SMYD3: variants seen among roughly 807,000 people sequenced by gnomAD.
SMYD3 encodes histone-lysine N-methyltransferase SMYD3.
SMYD3 carries 36 observed loss-of-function variants against 57.7 expected under a neutral mutation model. The ratio of observed to expected loss-of-function variants is 0.62; its 90% confidence interval spans 0.48 to 0.82. The LOEUF (loss-of-function observed/expected upper bound fraction) is 0.82, where lower values mean the gene tolerates loss of function less well. Among genes scored for constraint, SMYD3 ranks in the 40% least tolerant of loss-of-function variants. The pLI, the probability that SMYD3 is intolerant of heterozygous loss-of-function variation, is 0.00. For missense variants in SMYD3, 515 were observed against 538.8 expected, an observed-to-expected ratio of 0.96 and a Z score of 0.44; for synonymous variants, 211 against 195.0, an observed-to-expected ratio of 1.08 and a Z score of -0.68.
At position 246,043,504 on chromosome 1, in the gene SMYD3, C is replaced by A. The variant is rs1481415404; in HGVS notation, c.532-113567G>T. Among the ~76,000 whole-genome samples, 5 of 152,180 alleles carry A rather than the reference C, an allele frequency of 3.3e-5. No homozygotes were observed. In the East Asian group the frequency reaches 7.7e-4, roughly 23 times the overall value. ...TTTTAAGATGAGGAATGGCTGGGAA[C>A]ACAGGAAATAACCCAATGGGACATG... On this transcript the variant is annotated intron_variant, in intron 5 of 11. Coordinates refer to ENST00000490107, the MANE Select transcript of SMYD3 (RefSeq NM_001167740.2).
At chr1:245,847,716 T>TTTGCTTA (rs2050735764) in intron 10 of SMYD3, among the ~76,000 whole-genome samples, 1 of 152,140 alleles carries the variant, frequency 6.6e-6, no homozygotes, top group Admixed American at 6.5e-5. Flanking sequence ...CCTAGGAATT[T>TTTGCTTA]GGTATCCTGC....
At chr1:245,759,123 T>C (rs2045729247) in intron 11 of SMYD3, among the ~76,000 whole-genome samples, 1 of 152,194 alleles carries the variant, frequency 6.6e-6, no homozygotes, top group South Asian at 2.1e-4. Context: ...GTGTTTGCAT[T>C]TTATCCATTA....
At chr1:246,438,515 C>G (rs1006953229) in intron 1 of SMYD3, among the ~76,000 whole-genome samples, 3 of 152,082 alleles carry the variant, frequency 2.0e-5, no homozygotes, top group Non-Finnish European at 2.9e-5. Flanking sequence ...GGGATTGATT[C>G]CAGGACACCA....
At chr1:246,220,886 C>T (rs1034056143) in intron 5 of SMYD3, among the ~76,000 whole-genome samples, 1 of 152,158 alleles carries the variant, frequency 6.6e-6, no homozygotes, top group African/African-American at 2.4e-5. Context: ...AGAGGAGCTA[C>T]CCACTCCAGG....
chr1:245,828,751 G>C (rs984087328), intron 10 of SMYD3, among the ~76,000 whole-genome samples: 8 of 150,452 alleles, frequency 5.3e-5, no homozygotes, highest in African/African-American at 2.0e-4. Context: ...GCCCAGGCTG[G>C]AGTGCAGTGG....
chr1:246,307,708 C>A (rs553789798), intron 5 of SMYD3, among the ~76,000 whole-genome samples: 3 of 152,144 alleles, frequency 2.0e-5, no homozygotes, highest in South Asian at 2.1e-4. Context: ...CGTGAGCCAC[C>A]GCGCCCGGCC....
rs116645623 is a variant in SMYD3, at chr1:246,105,457, G to C, written c.532-175520C>G. Among the ~76,000 whole-genome samples, 1,213 of 152,202 alleles carry C rather than the reference G, an allele frequency of 8.0e-3. 13 individuals carry two copies. The highest frequency in any genetic ancestry group is 0.037 in the South Asian group (177 of 4,820). ...TAAATATTATGTGAAAAGGTGCTGTGCCCCCTTGTCTGTGACCCTTCAGCC... is the reference window on the plus strand; with the variant it reads ...TAAATATTATGTGAAAAGGTGCTGTCCCCCCTTGTCTGTGACCCTTCAGCC... On this transcript the variant is annotated intron_variant, in intron 5 of 11. Transcript: ENST00000490107.
chr1:245,914,613 C>T (rs1356834175), intron 8 of SMYD3, among the ~76,000 whole-genome samples: 2 of 152,072 alleles, frequency 1.3e-5, no homozygotes, highest in Admixed American at 1.3e-4. Flanking sequence ...GTACTAGAGG[C>T]TAAGAAGGTG....
intron 5 of SMYD3, among the ~76,000 whole-genome samples, chr1:246,001,995 T>G (rs569193126): frequency 6.6e-6 from 1 of 152,282 alleles, no homozygotes; most frequent in East Asian, 1.9e-4. Context: ...ACAGATACTT[T>G]GTATACTTTC....
chr1:246,251,193 T>G (rs922539343), intron 5 of SMYD3, among the ~76,000 whole-genome samples: 1 of 152,224 alleles, frequency 6.6e-6, no homozygotes, highest in African/African-American at 2.4e-5. Context: ...GCAGGGGTTG[T>G]GTTCCTGGAT....
At chr1:246,507,002 C>CA in intron 1 of SMYD3, 52 bp downstream of exon 1, 1 of 1,120,944 alleles carries the variant, frequency 8.9e-7, no homozygotes, top group Non-Finnish European at 1.2e-6. Flanking sequence ...CCCCCCTCCC[C>CA]AGCACCCCAC....
chr1:245,880,740 G>A (rs2148547201), intron 8 of SMYD3, among the ~76,000 whole-genome samples: 1 of 152,240 alleles, frequency 6.6e-6, no homozygotes, highest in East Asian at 1.9e-4. Flanking sequence ...ACACCACACT[G>A]CCTCAAATAT....
At chr1:246,379,113 C>CATAT (rs1553340124) in intron 1 of SMYD3, among the ~76,000 whole-genome samples, 2 of 139,920 alleles carry the variant, frequency 1.4e-5, no homozygotes, top group East Asian at 2.0e-4. Flanking sequence ...CACACACACA[C>CATAT]ATATATTCCA....
rs1173574600 is a variant in SMYD3 at position 246,348,060 on chromosome 1, T to TCA, written c.228+6970_228+6971insTG. 5.7e-4 allele frequency among the ~76,000 whole-genome samples: 47 copies of TCA among 82,974 alleles called. 2 individuals are homozygous for TCA. Among genetic ancestry groups the TCA allele is most frequent in the South Asian group, 3.5e-3 (10 of 2,870 alleles). The allele number at this position is 82,974 out of a possible 152,430, so 54.4% of individuals were successfully genotyped here. On this transcript the variant is annotated intron_variant, in intron 2 of 11. Transcript: ENST00000490107. ...ATTGGTGGACTGAATAAAGAAAACG[T>TCA]TATATATATATATATATACACACAC...
At chr1:245,769,024 C>A (rs1445424679) in intron 10 of SMYD3, among the ~76,000 whole-genome samples, 1 of 152,134 alleles carries the variant, frequency 6.6e-6, no homozygotes, top group African/African-American at 2.4e-5. Context: ...GAGAACTTAA[C>A]CTGCCTATTT....
intron 1 of SMYD3, among the ~76,000 whole-genome samples, chr1:246,407,920 G>A (rs1020395109): frequency 6.6e-6 from 1 of 151,424 alleles, no homozygotes; most frequent in East Asian, 1.9e-4. Flanking sequence ...AAATCAAAAC[G>A]TCTGCATATT....
chr1:245,774,726 T>C (rs1162916895), intron 10 of SMYD3, among the ~76,000 whole-genome samples: 1 of 147,264 alleles, frequency 6.8e-6, no homozygotes, highest in Admixed American at 6.8e-5. Context: ...CTCCCTCTCT[T>C]TCCACGGTCT....
rs386370347 is a variant in SMYD3 at position 246,310,661 on chromosome 1, CTTTTTTTTT to C, written c.531+16531_531+16539del. Among the ~76,000 whole-genome samples the C allele has an allele frequency of 1.1e-4, 8 of 72,222 alleles. No individual in the cohort carries two copies. In the South Asian group the frequency reaches 2.1e-3, roughly 19 times the overall value. The allele number at this position is 72,222 out of a possible 152,430, so 47.4% of individuals were successfully genotyped here. ...TTAGGGGAAAGGACAAAGAGTAAGG[CTTTTTTTTT>C]TTTTTTTTTTTTTTTCTGAGAGGGA... On this transcript the variant is annotated intron_variant, in intron 5 of 11. Transcript: ENST00000490107.
intron 5 of SMYD3, among the ~76,000 whole-genome samples, chr1:246,275,258 C>T (rs565514873): frequency 6.6e-6 from 1 of 152,336 alleles, no homozygotes; most frequent in East Asian, 1.9e-4. Context: ...AGACATGATA[C>T]ATACAAGAAC....
Sources: gnomAD v4.1 joint callset for allele counts (sites outside exome capture counted in the v4.1 genomes callset) on GRCh38, gnomAD v4.1.1 for gene constraint, MANE v1.5 for transcripts, NCBI Gene and HGNC (gene_info 2026-07-23, HGNC 2026-07-21) for gene names.